Variants in SPMIP5 observed in about 807,000 individuals in gnomAD.
The protein encoded by SPMIP5 is sperm microtubule inner protein 5.
the SPMIP5 span, among the ~76,000 whole-genome samples, chr10:116,666,608 G>C: frequency 6.6e-5 from 10 of 152,192 alleles, no homozygotes; most frequent in African/African-American, 2.4e-4. Flanking sequence ...GTTGAAAGTA[G>C]CAATCCTCAC....
chr10:116,669,100 A>C, the SPMIP5 span, among the ~76,000 whole-genome samples: 3 of 152,084 alleles, frequency 2.0e-5, no homozygotes, highest in African/African-American at 7.2e-5. Context: ...GTTTATGTGG[A>C]TGCTGTTTCT....
chr10:116,664,781 T>C, the SPMIP5 span: 2 of 1,614,040 alleles, frequency 1.2e-6, no homozygotes, highest in Non-Finnish European at 1.7e-6. Flanking sequence ...GTTTCAGATG[T>C]GCCTTCTTGG....
the SPMIP5 span, chr10:116,664,634 T>A: frequency 6.7e-7 from 1 of 1,488,240 alleles, no homozygotes; most frequent in Non-Finnish European, 8.9e-7. Flanking sequence ...ATGAGGCACC[T>A]TCTCTAAGAC....
At chr10:116,663,676 C>G in the SPMIP5 span, 1 of 496,876 alleles carries the variant, frequency 2.0e-6, no homozygotes, top group South Asian at 2.9e-5. Context: ...TGGAGAAAAC[C>G]CGCACAAGAA....
At chr10:116,667,468 A>G in the SPMIP5 span, among the ~76,000 whole-genome samples, 1 of 152,230 alleles carries the variant, frequency 6.6e-6, no homozygotes, top group Non-Finnish European at 1.5e-5. Flanking sequence ...TTACAGTCTC[A>G]TCGACAGTGA....
the SPMIP5 span, among the ~76,000 whole-genome samples, chr10:116,668,054 G>A: frequency 6.6e-6 from 1 of 152,190 alleles, no homozygotes. Flanking sequence ...CATGTTCTGG[G>A]ACGTGTGGTC....
chr10:116,663,904 T>C, the SPMIP5 span: 1 of 1,535,698 alleles, frequency 6.5e-7, no homozygotes, highest in Admixed American at 2.0e-5. Flanking sequence ...GACTCTGCGC[T>C]TCTAGCCTTC....
the SPMIP5 span, among the ~76,000 whole-genome samples, chr10:116,663,181 C>CAAAAA: frequency 1.0e-5 from 1 of 96,926 alleles, no homozygotes. Flanking sequence ...GATTCTGTCT[C>CAAAAA]AAAAAAAAAA....
chr10:116,664,779 T>C, the SPMIP5 span: 8 of 1,614,148 alleles, frequency 5.0e-6, no homozygotes, highest in Admixed American at 1.7e-5. Context: ...TGGTTTCAGA[T>C]GTGCCTTCTT....
the SPMIP5 span, chr10:116,664,041 G>A: frequency 6.3e-7 from 1 of 1,586,114 alleles, no homozygotes; most frequent in Non-Finnish European, 8.6e-7. Flanking sequence ...CAAGGGCAGG[G>A]CAGCTTCCAT....
chr10:116,665,647 G>A, the SPMIP5 span: 1 of 1,614,000 alleles, frequency 6.2e-7, no homozygotes, highest in African/African-American at 1.3e-5. Flanking sequence ...TACTGGTGCA[G>A]GGCCTGCAGG....
chr10:116,662,473 T>C, the SPMIP5 span, among the ~76,000 whole-genome samples: 1 of 151,992 alleles, frequency 6.6e-6, no homozygotes, highest in East Asian at 1.9e-4. Context: ...ATGATGTAAC[T>C]TTTTTTCTCA....
the SPMIP5 span, chr10:116,664,152 GGAAA>G: frequency 5.0e-6 from 8 of 1,614,058 alleles, no homozygotes; most frequent in Non-Finnish European, 6.8e-6. Flanking sequence ...GTAGTAGGAA[GGAAA>G]GAGACATTTC....
chr10:116,662,911 A>C, the SPMIP5 span, among the ~76,000 whole-genome samples: 1 of 152,160 alleles, frequency 6.6e-6, no homozygotes, highest in East Asian at 1.9e-4. Flanking sequence ...GGCTGGGCAC[A>C]GTGGCTCACA....
chr10:116,666,737 T>C, the SPMIP5 span, among the ~76,000 whole-genome samples: 1 of 152,142 alleles, frequency 6.6e-6, no homozygotes, highest in African/African-American at 2.4e-5. Context: ...TTAAAAGATA[T>C]CCTAACATTA....
chr10:116,667,790 CAGGCAGTCCCAGGACAA>C, the SPMIP5 span, among the ~76,000 whole-genome samples: 4 of 152,194 alleles, frequency 2.6e-5, no homozygotes, highest in African/African-American at 9.7e-5. Flanking sequence ...AGGAAAGTCC[CAGGCAGTCCCAGGACAA>C]AGGCAGTCCC....
chr10:116,666,516 AAAAT>A, the SPMIP5 span, among the ~76,000 whole-genome samples: 16 of 152,216 alleles, frequency 1.1e-4, no homozygotes, highest in East Asian at 1.4e-3. Flanking sequence ...TTCAAACTGC[AAAAT>A]AAATAAATAA....
chr10:116,664,321 G>T, the SPMIP5 span: 3 of 1,262,358 alleles, frequency 2.4e-6, no homozygotes, highest in Non-Finnish European at 3.3e-6. Context: ...ATTAAGAATA[G>T]AATAATAATA....
chr10:116,668,106 C>T, the SPMIP5 span: 20 of 739,022 alleles, frequency 2.7e-5, no homozygotes, highest in African/African-American at 5.2e-5. Flanking sequence ...CCATCTTCAG[C>T]GATGGAATGC....
Sources: allele counts gnomAD v4.1 joint callset (sites outside exome capture counted in the v4.1 genomes callset), GRCh38; gene constraint gnomAD v4.1.1; transcripts MANE v1.5; gene names NCBI Gene and HGNC (gene_info 2026-07-23, HGNC 2026-07-21).